CCDC92: variants seen among roughly 807,000 people sequenced by gnomAD.
CCDC92 encodes the protein coiled-coil domain-containing protein 92.
A neutral mutation model predicts 24.9 loss-of-function variants in CCDC92; 12 were observed. The ratio of observed to expected loss-of-function variants is 0.48; its 90% CI spans 0.31 to 0.78. CCDC92 has a LOEUF of 0.78. Ranked by LOEUF, CCDC92 falls within the 30% of genes least tolerant of loss-of-function variation. The probability of loss-of-function intolerance (pLI) is 0.05; values close to 1 mark genes in which losing one functional copy is unlikely to be tolerated. For missense variants in CCDC92, 399 were observed against 439.4 expected (o/e 0.91, Z 0.82); for synonymous variants, 193 against 196.3 (o/e 0.98, Z 0.14).
intron 1 of CCDC92, among the ~76,000 whole-genome samples, chr12:123,958,178 A>G (rs1402539435): frequency 6.6e-6 from 1 of 152,034 alleles, no homozygotes; most frequent in East Asian, 1.9e-4. Flanking sequence ...TTCAGCCTCC[A>G]GAGTAGCAGG....
At chr12:123,943,150 A>G (rs763636965) in intron 3 of CCDC92, among the ~76,000 whole-genome samples, 197 bp downstream of exon 3, 6 of 152,248 alleles carry the variant, frequency 3.9e-5, no homozygotes, top group Non-Finnish European at 7.3e-5. Context: ...TTAAGTCCTC[A>G]GTATGCCAAG....
At chr12:123,943,580 G>T in intron 2 of CCDC92, 87 bp from the exon 3 acceptor site, 1 of 1,454,388 alleles carries the variant, frequency 6.9e-7, no homozygotes, top group South Asian at 1.2e-5. Flanking sequence ...AGAGGGGTGT[G>T]CGCCTCCCAG....
chr12:123,951,400 A>G (rs1956022234), intron 1 of CCDC92, among the ~76,000 whole-genome samples: 1 of 152,244 alleles, frequency 6.6e-6, no homozygotes, highest in Admixed American at 6.5e-5. Context: ...ATTGTTTCTG[A>G]GCAATCAAGA....
intron 3 of CCDC92, 35 bp downstream of exon 3, chr12:123,943,312 G>T: frequency 6.2e-7 from 1 of 1,602,450 alleles, no homozygotes. Context: ...CCCCATAGCC[G>T]CCCCCCGCCT....
intron 4 of CCDC92, among the ~76,000 whole-genome samples, chr12:123,940,677 A>T (rs1376513994): frequency 6.6e-6 from 1 of 152,178 alleles, no homozygotes; most frequent in African/African-American, 2.4e-5. Flanking sequence ...CACTGAGCTG[A>T]CAGCAGCCAA....
At chr12:123,944,023 G>A in intron 2 of CCDC92, 1 of 523,180 alleles carries the variant, frequency 1.9e-6, no homozygotes, top group Non-Finnish European at 3.3e-6. Context: ...TGGGAAATGG[G>A]CCAAACATTT....
intron 1 of CCDC92, among the ~76,000 whole-genome samples, chr12:123,959,414 C>T (rs1956223502): frequency 6.6e-6 from 1 of 151,998 alleles, no homozygotes; most frequent in Non-Finnish European, 1.5e-5. Context: ...AAGCGATTCT[C>T]CTGCCTCAGT....
chr12:123,957,957 T>C (rs1956189925), intron 1 of CCDC92, among the ~76,000 whole-genome samples: 1 of 152,114 alleles, frequency 6.6e-6, no homozygotes, highest in African/African-American at 2.4e-5. Flanking sequence ...CCTCGGCCTC[T>C]GAAAGTGCTG....
intron 1 of CCDC92, among the ~76,000 whole-genome samples, chr12:123,957,697 T>C (rs1215342656): frequency 1.9e-5 from 2 of 106,740 alleles, no homozygotes; most frequent in Non-Finnish European, 1.8e-5. Flanking sequence ...TTTTTTTTCC[T>C]TCTTTTTTTT....
At chr12:123,947,781 G>A (rs528947332) in intron 1 of CCDC92, among the ~76,000 whole-genome samples, 4 of 152,238 alleles carry the variant, frequency 2.6e-5, no homozygotes, top group South Asian at 2.1e-4. Context: ...CAGGCTGCCC[G>A]AGCCAGCAGT....
intron 1 of CCDC92, chr12:123,962,644 G>A (rs956261066): frequency 1.3e-5 from 2 of 153,934 alleles, no homozygotes; most frequent in Admixed American, 6.5e-5. Flanking sequence ...GGAACAGGAT[G>A]GGGAGTAGAG....
intron 4 of CCDC92, among the ~76,000 whole-genome samples, chr12:123,941,450 C>T (rs774728409): frequency 3.9e-5 from 6 of 152,194 alleles, no homozygotes. Context: ...GGAAAAAAAT[C>T]AGTGCTCGGT....
At position 123,936,280 on chromosome 12, in the gene CCDC92, T is replaced by G. The variant is rs987401717; in HGVS notation, c.*778A>C. The G allele has an allele frequency of 5.2e-5, 8 of 152,462 alleles. No individual in the cohort carries two copies. Among genetic ancestry groups the G allele is most frequent in the African/African-American group, 1.4e-4 (6 of 41,454 alleles). The allele number at this position is 152,462 out of a possible 1,614,324, so 9.4% of individuals were successfully genotyped here. A position where few individuals can be genotyped will look rare whatever the true frequency, so the allele number is the denominator to read the frequency against. ...CACAGAAGCTCAGGAGCGCAGCACA[T>G]TCTAAGGACTAGCTCTGGGCCGGGA... On this transcript the variant is annotated 3_prime_UTR_variant, in exon 5 of 5. Coordinates refer to ENST00000238156, the MANE Select transcript of CCDC92 (RefSeq NM_025140.3).
At chr12:123,957,694 TC>T (rs1300476754) in intron 1 of CCDC92, among the ~76,000 whole-genome samples, 1 of 139,222 alleles carries the variant, frequency 7.2e-6, no homozygotes, top group Middle Eastern at 3.5e-3. Flanking sequence ...TCTTTTTTTT[TC>T]CTTCTTTTTT....
chr12:123,970,295 CCA>C (rs1348911181), intron 1 of CCDC92: 1 of 152,224 alleles, frequency 6.6e-6, no homozygotes, highest in Non-Finnish European at 1.5e-5. Context: ...GCCATTCACG[CCA>C]AGTGGGGAAC....
At chr12:123,947,965 G>A (rs940502831) in intron 1 of CCDC92, among the ~76,000 whole-genome samples, 3 of 152,178 alleles carry the variant, frequency 2.0e-5, no homozygotes, top group Non-Finnish European at 4.4e-5. Context: ...CCCACCAGAA[G>A]GAAGAAACTC....
At chr12:123,965,078 A>G (rs1202465696) in intron 1 of CCDC92, among the ~76,000 whole-genome samples, 2 of 152,192 alleles carry the variant, frequency 1.3e-5, no homozygotes, top group Non-Finnish European at 2.9e-5. Flanking sequence ...TTTTTTTTAA[A>G]TACTTGTTCT....
intron 1 of CCDC92, chr12:123,946,580 T>G (rs1249405092): frequency 2.0e-5 from 3 of 152,474 alleles, no homozygotes; most frequent in African/African-American, 4.8e-5. Flanking sequence ...GTTTCCCGCC[T>G]CCTCGCACAG....
intron 1 of CCDC92, among the ~76,000 whole-genome samples, chr12:123,953,776 TCAAAAA>T (rs58795770): frequency 7.5e-4 from 112 of 149,204 alleles, no homozygotes; most frequent in African/African-American, 2.0e-3. Context: ...AGACTCCGTC[TCAAAAA>T]CAAAAACAAA....
Sources: allele counts gnomAD v4.1 joint callset (sites outside exome capture counted in the v4.1 genomes callset), GRCh38; gene constraint gnomAD v4.1.1; transcripts MANE v1.5; gene names NCBI Gene and HGNC (gene_info 2026-07-23, HGNC 2026-07-21).